The following REDIC1 variants were observed in gnomAD, a reference collection of about 807,000 sequenced individuals.
REDIC1 encodes the protein HEI10 Interacting Protein 1.
the REDIC1 span, chr12:39,647,723 A>G: frequency 4.4e-6 from 5 of 1,148,016 alleles, no homozygotes; most frequent in South Asian, 4.4e-5. Flanking sequence ...TAATTTCACT[A>G]TTTTGACTTT....
the REDIC1 span, among the ~76,000 whole-genome samples, chr12:39,709,833 A>C: frequency 2.0e-5 from 3 of 151,802 alleles, no homozygotes; most frequent in Non-Finnish European, 2.9e-5. Context: ...TATTAGATAT[A>C]TACTCACAAG....
At chr12:39,882,132 T>A in the REDIC1 span, among the ~76,000 whole-genome samples, 1 of 152,188 alleles carries the variant, frequency 6.6e-6, no homozygotes, top group Non-Finnish European at 1.5e-5. Flanking sequence ...CACTCATTCC[T>A]GCCCCTTACC....
the REDIC1 span, among the ~76,000 whole-genome samples, chr12:39,680,566 TGGA>T: frequency 6.6e-6 from 1 of 152,192 alleles, no homozygotes; most frequent in Non-Finnish European, 1.5e-5. Context: ...GAAAACAGTA[TGGA>T]GACTCCTTAA....
At chr12:39,686,928 A>T in the REDIC1 span, among the ~76,000 whole-genome samples, 1 of 152,190 alleles carries the variant, frequency 6.6e-6, no homozygotes, top group East Asian at 1.9e-4. Flanking sequence ...TCAAGTTCAG[A>T]GTTCCACAGA....
the REDIC1 span, among the ~76,000 whole-genome samples, chr12:39,663,890 C>A: frequency 1.3e-5 from 2 of 151,724 alleles, no homozygotes; most frequent in African/African-American, 4.8e-5. Flanking sequence ...TCTTTTTTGG[C>A]TTGGAAATGT....
At chr12:39,797,740 A>ACATACGCG in the REDIC1 span, among the ~76,000 whole-genome samples, 139 of 131,474 alleles carry the variant, frequency 1.1e-3, 2 homozygotes, top group Admixed American at 2.2e-3. Flanking sequence ...ACACACACAC[A>ACATACGCG]CACACACACA....
chr12:39,712,779 G>T, the REDIC1 span, among the ~76,000 whole-genome samples: 3 of 141,642 alleles, frequency 2.1e-5, no homozygotes, highest in African/African-American at 5.1e-5. Context: ...GTATACATGT[G>T]TATATACGTA....
the REDIC1 span, among the ~76,000 whole-genome samples, chr12:39,680,790 T>A: frequency 5.3e-5 from 8 of 150,678 alleles, no homozygotes; most frequent in Admixed American, 2.0e-4. Flanking sequence ...ACACACACTC[T>A]CTCACACACT....
chr12:39,875,890 T>G, the REDIC1 span, among the ~76,000 whole-genome samples: 2 of 152,214 alleles, frequency 1.3e-5, no homozygotes, highest in Non-Finnish European at 2.9e-5. Context: ...TAAACCTTTA[T>G]GCAGTAGTTT....
the REDIC1 span, among the ~76,000 whole-genome samples, chr12:39,824,475 C>T: frequency 6.6e-6 from 1 of 152,212 alleles, no homozygotes; most frequent in African/African-American, 2.4e-5. Flanking sequence ...GATTCTTCCC[C>T]TTTCTTATAC....
chr12:39,889,604 C>T, the REDIC1 span, among the ~76,000 whole-genome samples: 1 of 146,484 alleles, frequency 6.8e-6, no homozygotes, highest in Non-Finnish European at 1.5e-5. Context: ...ACCATCTTGG[C>T]ACACCACAAC....
the REDIC1 span, among the ~76,000 whole-genome samples, chr12:39,719,307 T>C: frequency 6.6e-6 from 1 of 152,156 alleles, no homozygotes; most frequent in South Asian, 2.1e-4. Flanking sequence ...AAACACATTA[T>C]AATAAGTATT....
the REDIC1 span, among the ~76,000 whole-genome samples, chr12:39,818,933 A>C: frequency 4.6e-5 from 7 of 152,148 alleles, no homozygotes; most frequent in Non-Finnish European, 1.5e-5. Flanking sequence ...TTCCTAAGCC[A>C]ATTAATTAAA....
the REDIC1 span, among the ~76,000 whole-genome samples, chr12:39,762,668 G>A: frequency 0.015 from 2,336 of 152,082 alleles, 61 homozygotes; most frequent in African/African-American, 0.053. Flanking sequence ...ACACGATTAG[G>A]ATGTATATTT....
chr12:39,677,299 A>G, the REDIC1 span, among the ~76,000 whole-genome samples: 2 of 152,160 alleles, frequency 1.3e-5, no homozygotes, highest in African/African-American at 4.8e-5. Flanking sequence ...AGCTATTCTT[A>G]TATCATACAA....
At chr12:39,658,318 C>G in the REDIC1 span, among the ~76,000 whole-genome samples, 1 of 152,164 alleles carries the variant, frequency 6.6e-6, no homozygotes, top group African/African-American at 2.4e-5. Context: ...CTCCTGACCT[C>G]AAGTGATCCA....
the REDIC1 span, among the ~76,000 whole-genome samples, chr12:39,662,110 G>A: frequency 1.3e-5 from 2 of 152,024 alleles, no homozygotes; most frequent in Non-Finnish European, 2.9e-5. Flanking sequence ...TTTTGCTCAG[G>A]ATTGCTTTGG....
At chr12:39,754,771 G>A in the REDIC1 span, among the ~76,000 whole-genome samples, 1 of 151,862 alleles carries the variant, frequency 6.6e-6, no homozygotes, top group African/African-American at 2.4e-5. Context: ...TACTTCAAGG[G>A]TTCCTAAGCA....
the REDIC1 span, chr12:39,716,801 G>T: frequency 1.2e-6 from 2 of 1,601,322 alleles, no homozygotes; most frequent in Non-Finnish European, 1.7e-6. Context: ...TACTCTCCAA[G>T]ACCAACAGAC....
Sources: gnomAD v4.1 joint callset for allele counts (sites outside exome capture counted in the v4.1 genomes callset) on GRCh38, gnomAD v4.1.1 for gene constraint, MANE v1.5 for transcripts, NCBI Gene and HGNC (gene_info 2026-07-23, HGNC 2026-07-21) for gene names.